Variants in IQGAP2 observed in about 807,000 individuals in gnomAD.
IQGAP2 encodes IQ motif containing GTPase activating protein 2.
IQGAP2 carries 173 observed loss-of-function variants against 201.3 expected under a neutral mutation model. The observed-to-expected ratio is 0.86, with a 90% confidence interval of 0.76 to 0.98. IQGAP2 has a LOEUF of 0.98. Ranked by LOEUF, IQGAP2 falls within the 50% of genes least tolerant of loss-of-function variation. The probability of loss-of-function intolerance (pLI) is 0.00; values close to 1 mark genes in which losing one functional copy is unlikely to be tolerated. For missense variants in IQGAP2, 1,687 were observed against 1,864.8 expected (o/e 0.90, Z 1.76); for synonymous variants, 675 against 673.9 (o/e 1.00, Z -0.03).
At chr5:76,636,008 A>T (rs1030842430) in intron 15 of IQGAP2, among the ~76,000 whole-genome samples, 1 of 152,178 alleles carries the variant, frequency 6.6e-6, no homozygotes, top group African/African-American at 2.4e-5. Flanking sequence ...AAAGAGATAC[A>T]TCTCTCTTCC....
At chr5:76,497,458 A>G (rs1757053600) in intron 2 of IQGAP2, among the ~76,000 whole-genome samples, 1 of 151,040 alleles carries the variant, frequency 6.6e-6, no homozygotes, top group Non-Finnish European at 1.5e-5. Context: ...TGCAATGTTT[A>G]TAATAAGTAC....
chr5:76,595,058 A>C (rs1192211659), intron 9 of IQGAP2, among the ~76,000 whole-genome samples: 1 of 152,094 alleles, frequency 6.6e-6, no homozygotes, highest in Non-Finnish European at 1.5e-5. Flanking sequence ...TAAGGCATCC[A>C]CATTCATAGC....
At chr5:76,445,417 A>G (rs7730891) in intron 1 of IQGAP2, among the ~76,000 whole-genome samples, 14,566 of 152,002 alleles carry the variant, frequency 0.096, 1,800 homozygotes, top group African/African-American at 0.29. Context: ...CATATAGAAC[A>G]TGCTATACAA....
At chr5:76,576,941 A>G (rs189122969) in intron 5 of IQGAP2, among the ~76,000 whole-genome samples, 1 of 152,326 alleles carries the variant, frequency 6.6e-6, no homozygotes, top group African/African-American at 2.4e-5. Context: ...TCCTTGTGCA[A>G]AAGTGCTTAT....
At chr5:76,422,368 G>A (rs1343912861) in intron 1 of IQGAP2, among the ~76,000 whole-genome samples, 3 of 152,214 alleles carry the variant, frequency 2.0e-5, no homozygotes, top group Admixed American at 6.5e-5. Context: ...TGCTTTGACT[G>A]AGGTAGATCC....
At position 76,631,869 on chromosome 5, in the gene IQGAP2, G is replaced by T. The variant is rs140885056; in HGVS notation, c.1623G>T (p.Leu541=). ...TTTTCAATTACCCAGGGGTTACTCT[G>T]GTGGTTGATGTTAATCAGTGTTTGG... The part of the protein sequence containing the change: ...DKDRAKQWVT[L]VVDVNQCLEG... Residue 541 remains leucine, a synonymous_variant, in exon 15 of 36, where the codon CTG becomes CTT. Coordinates refer to ENST00000274364, the MANE Select transcript of IQGAP2 (RefSeq NM_006633.5). The T allele has an allele frequency of 6.3e-7, 1 of 1,588,164 alleles. No individual in the cohort carries two copies. The highest frequency in any genetic ancestry group is 1.3e-5 in the African/African-American group (1 of 74,110).
intron 23 of IQGAP2, among the ~76,000 whole-genome samples, chr5:76,669,831 TG>T (rs898397703): frequency 2.0e-5 from 3 of 152,128 alleles, no homozygotes; most frequent in African/African-American, 7.2e-5. Flanking sequence ...ATTTGCTTTT[TG>T]GGGATCTGTG....
chr5:76,680,052 A>G (rs1383540010), intron 28 of IQGAP2, among the ~76,000 whole-genome samples: 3 of 152,242 alleles, frequency 2.0e-5, no homozygotes, highest in Non-Finnish European at 2.9e-5. Flanking sequence ...AAAATTTAGC[A>G]TCAAACAGAT....
rs562051132 is a variant in IQGAP2 at position 76,704,970 on chromosome 5, A to T, written c.4615-2230A>T. On this transcript the variant is annotated intron_variant, in intron 35 of 35. Transcript: ENST00000274364. Reference sequence around the variant, plus strand: ...AGCCCATTTTCCCTTCAGTTCCTAAAGAAAACCATAGGATAGAATTATATC... The same window carrying T: ...AGCCCATTTTCCCTTCAGTTCCTAATGAAAACCATAGGATAGAATTATATC... Among the ~76,000 whole-genome samples, 8 of 152,336 alleles carry T rather than the reference A, an allele frequency of 5.3e-5. No individual in the cohort carries two copies. In the East Asian group the frequency reaches 1.5e-3, roughly 29 times the overall value.
chr5:76,419,270 A>G (rs1209091539), intron 1 of IQGAP2, among the ~76,000 whole-genome samples: 1 of 152,076 alleles, frequency 6.6e-6, no homozygotes, highest in East Asian at 1.9e-4. Context: ...GACTACAGGC[A>G]TGCACACCAC....
chr5:76,528,139 A>G (rs868618467), intron 2 of IQGAP2, among the ~76,000 whole-genome samples: 2 of 152,086 alleles, frequency 1.3e-5, no homozygotes, highest in African/African-American at 4.8e-5. Context: ...TTGTTGTCAG[A>G]CACCCTTTGT....
chr5:76,552,805 C>T (rs191263124), intron 2 of IQGAP2, among the ~76,000 whole-genome samples: 1 of 152,276 alleles, frequency 6.6e-6, no homozygotes, highest in African/African-American at 2.4e-5. Context: ...ACAGATTATA[C>T]TATATCATCT....
intron 2 of IQGAP2, among the ~76,000 whole-genome samples, chr5:76,556,370 T>C (rs1416799639): frequency 6.6e-6 from 1 of 152,148 alleles, no homozygotes; most frequent in Admixed American, 6.5e-5. Flanking sequence ...ATCTTGAACA[T>C]GTCTACTCCT....
intron 2 of IQGAP2, among the ~76,000 whole-genome samples, chr5:76,462,037 A>C (rs1230867210): frequency 6.6e-6 from 1 of 152,212 alleles, no homozygotes; most frequent in Non-Finnish European, 1.5e-5. Context: ...GGTTGGGCAG[A>C]GTTGAGAAAA....
chr5:76,516,301 A>G (rs563602387), intron 2 of IQGAP2, among the ~76,000 whole-genome samples: 4 of 152,328 alleles, frequency 2.6e-5, no homozygotes, highest in East Asian at 3.9e-4. Context: ...CCATTCTTAA[A>G]ATATTAGGTT....
intron 2 of IQGAP2, among the ~76,000 whole-genome samples, chr5:76,509,841 T>C (rs1320211461): frequency 6.6e-6 from 1 of 152,134 alleles, no homozygotes; most frequent in Non-Finnish European, 1.5e-5. Flanking sequence ...GGTGTACCTG[T>C]GGGCAGAATG....
At chr5:76,689,789 G>T (rs1359178944) in intron 30 of IQGAP2, among the ~76,000 whole-genome samples, 2 of 152,178 alleles carry the variant, frequency 1.3e-5, no homozygotes, top group African/African-American at 4.8e-5. Context: ...GTTAAATACT[G>T]AAAATATTCC....
chr5:76,539,957 T>A (rs1742646497), intron 2 of IQGAP2, among the ~76,000 whole-genome samples: 1 of 152,234 alleles, frequency 6.6e-6, no homozygotes, highest in South Asian at 2.1e-4. Flanking sequence ...ACACTAATAC[T>A]TACTGGCATT....
intron 2 of IQGAP2, among the ~76,000 whole-genome samples, chr5:76,515,402 A>G (rs1758252455): frequency 6.6e-6 from 1 of 152,226 alleles, no homozygotes; most frequent in Non-Finnish European, 1.5e-5. Flanking sequence ...ATTCCAGTAA[A>G]AGATTTTCAA....
Sources: allele counts gnomAD v4.1 joint callset (sites outside exome capture counted in the v4.1 genomes callset), GRCh38; gene constraint gnomAD v4.1.1; transcripts MANE v1.5; gene names NCBI Gene and HGNC (gene_info 2026-07-23, HGNC 2026-07-21).